Variants in ANO7 observed in about 807,000 individuals in gnomAD.
The protein encoded by ANO7 is anoctamin 7.
A neutral mutation model predicts 115.8 loss-of-function variants in ANO7; 114 were observed. The observed-to-expected ratio is 0.98, with a 90% CI of 0.85 to 1.15. The LOEUF is 1.15. ANO7 is among the 50% of genes most tolerant of loss of function. The probability of loss-of-function intolerance (pLI) is 0.00; values close to 1 mark genes in which losing one functional copy is unlikely to be tolerated. For synonymous variants in ANO7, 550 were observed against 498.2 expected (o/e 1.10, Z -1.38); for missense variants, 1,302 against 1,201.2 (o/e 1.08, Z -1.24).
rs549584577 is a variant in ANO7, at chr2:241,189,370, G to A, written c.-8+604G>A. 5.3e-5 allele frequency among the ~76,000 whole-genome samples: 8 copies of A among 152,298 alleles called. No homozygotes were observed. The East Asian group carries it at 7.7e-4, about 15-fold the overall frequency. On this transcript the variant is annotated intron_variant, in intron 1 of 24. Coordinates refer to ENST00000674324, the MANE Select transcript of ANO7 (RefSeq NM_001370694.2). Reference sequence around the variant, plus strand: ...TCCATGGTCACACCCTCCGGTCATCGTCGCAGCTCCAAATGCCAGCCCCAG... The same window carrying A: ...TCCATGGTCACACCCTCCGGTCATCATCGCAGCTCCAAATGCCAGCCCCAG...
chr2:241,223,050 C>T (rs1040593505), intron 21 of ANO7, 136 bp from the exon 22 acceptor site: 6 of 772,930 alleles, frequency 7.8e-6, no homozygotes, highest in African/African-American at 3.5e-5. Context: ...CAGGCACCCT[C>T]GATGAAGAGC....
At chr2:241,204,779 AG>A (rs35488559) in intron 9 of ANO7, 85 bp from the exon 10 acceptor site, 1 of 1,000,066 alleles carries the variant, frequency 1.0e-6, no homozygotes, top group South Asian at 1.4e-5. Flanking sequence ...GGTGGTCCCT[AG>A]GGGACAAGCA....
rs761832893 is a variant in ANO7, at chr2:241,203,489, G to T, written c.880G>T (p.Ala294Ser). 3 of 1,517,862 alleles carry T rather than the reference G, an allele frequency of 2.0e-6. No homozygotes were observed. The highest frequency in any genetic ancestry group is 2.6e-6 in the Non-Finnish European group (3 of 1,132,322). The allele number at this position is 1,517,862 out of a possible 1,614,324, so 94.0% of individuals were successfully genotyped here. A position where few individuals can be genotyped will look rare whatever the true frequency, so the allele number is the denominator to read the frequency against. ...CGGGGAGAAGGTGGCCCTCTACTTC[G>T]CCTGGCTCGGTGAGTCCCCCCCGCT... ...YFGEKVALYF[A>S]WLGFYTGWLL... is the part of the protein sequence containing the mutation. The change falls in exon 9 of 25, where the codon GCC becomes TCC. Residue 294 changes from alanine to serine, a missense_variant. By Grantham distance (99) the Ala-to-Ser change is moderately conservative. Coordinates refer to ENST00000674324, the MANE Select transcript of ANO7 (RefSeq NM_001370694.2). This position sits in a 1 kb window ranked among gnomAD's most constrained non-coding sequence, Gnocchi z 4.8.
intron 4 of ANO7, 24 bp downstream of exon 4, chr2:241,195,869 G>A (rs1291500712): frequency 1.2e-6 from 2 of 1,614,162 alleles, no homozygotes; most frequent in Non-Finnish European, 1.7e-6. Flanking sequence ...GTCATGGGCA[G>A]GGCCCTAGGC....
chr2:241,218,209 C>CGCGCAGGGGCGGAGCGGGGGG, intron 20 of ANO7, 30 bp from the exon 21 acceptor site: 1 of 1,348,490 alleles, frequency 7.4e-7, no homozygotes, highest in African/African-American at 1.6e-5. Flanking sequence ...GGAGCGGGGG[C>CGCGCAGGGGCGGAGCGGGGGG]CGCCTCGCGC....
the ANO7 span, chr2:241,239,540 C>A: frequency 2.2e-6 from 3 of 1,385,394 alleles, no homozygotes; most frequent in East Asian, 4.6e-5. The surrounding 1 kb of genome is among the most constrained non-coding windows in gnomAD (Gnocchi z 4.6). Context: ...AACACTCATA[C>A]ACGGCTTCGG....
At chr2:241,209,988 T>A (rs1056083842) in intron 13 of ANO7, among the ~76,000 whole-genome samples, 19 of 152,148 alleles carry the variant, frequency 1.2e-4, no homozygotes, top group Non-Finnish European at 2.9e-5. Flanking sequence ...GACCTCTCAC[T>A]CCCCTGCCAA....
rs1278807453 is a variant in ANO7 at position 241,217,771 on chromosome 2, C to T, written c.2058C>T (p.Ile686=). The change falls in exon 20 of 25, where the codon ATC becomes ATT. Residue 686 remains isoleucine, a synonymous_variant. Transcript: ENST00000674324. ...CCCTGCTCAACAACTGGGTGGAGATCCGCTTGGACGCGCGCAAGTTCGTCT... is the reference window on the plus strand; with the variant it reads ...CCCTGCTCAACAACTGGGTGGAGATTCGCTTGGACGCGCGCAAGTTCGTCT... ...LFALLNNWVE[I]RLDARKFVCE... The T allele has an allele frequency of 6.2e-7, 1 of 1,609,266 alleles. No homozygotes were observed. Among genetic ancestry groups the T allele is most frequent in the African/African-American group, 1.3e-5 (1 of 74,880 alleles).
chr2:241,189,953 G>A (rs373077663), intron 1 of ANO7, 104 bp from the exon 2 acceptor site: 49 of 841,444 alleles, frequency 5.8e-5, no homozygotes, highest in Non-Finnish European at 8.2e-5. Context: ...ACTCCGAGTC[G>A]AGTCTGTAAA....
At chr2:241,231,606 G>A in the ANO7 span, among the ~76,000 whole-genome samples, 2 of 152,138 alleles carry the variant, frequency 1.3e-5, no homozygotes, top group South Asian at 2.1e-4. Flanking sequence ...CTTTGCCCAC[G>A]TGGGCCACAG....
At chr2:241,234,055 G>GC in the ANO7 span, 1 of 1,433,600 alleles carries the variant, frequency 7.0e-7, no homozygotes, top group Non-Finnish European at 9.7e-7. Flanking sequence ...GGACACTGGA[G>GC]ATGCTGCAGT....
chr2:241,238,696 C>T, the ANO7 span: 15 of 1,588,586 alleles, frequency 9.4e-6, no homozygotes, highest in East Asian at 2.3e-5. The surrounding 1 kb of genome is among the most constrained non-coding windows in gnomAD (Gnocchi z 4.9). Context: ...ACTGAAATCC[C>T]GAGTAATCTG....
chr2:241,218,511 GGGGGAGCT>G, intron 21 of ANO7, 130 bp downstream of exon 21: 20 of 646,474 alleles, frequency 3.1e-5, no homozygotes, highest in South Asian at 5.9e-5. Context: ...CCGGGGGAGG[GGGGGAGCT>G]GGGGGCGCCG....
chr2:241,193,041 G>T (rs1273751432), intron 3 of ANO7, among the ~76,000 whole-genome samples: 1 of 152,092 alleles, frequency 6.6e-6, no homozygotes, highest in East Asian at 1.9e-4. Context: ...GGTTAAGATG[G>T]TTTTTTGTTT....
At chr2:241,229,851 G>A (rs371482774), downstream of ANO7, 40 of 1,579,530 alleles carry the variant, frequency 2.5e-5, no homozygotes, top group Non-Finnish European at 2.7e-5. Context: ...TGCTGCTGGC[G>A]GTCCAGGGTG....
the ANO7 span, among the ~76,000 whole-genome samples, chr2:241,231,524 T>C: frequency 1.3e-5 from 2 of 151,736 alleles, no homozygotes; most frequent in Admixed American, 6.6e-5. Flanking sequence ...GGAGAGACAC[T>C]AACAGGCAAG....
At position 241,210,475 on chromosome 2, in the gene ANO7, G is replaced by A. The variant is rs570289436; in HGVS notation, c.1466G>A (p.Arg489His). Residue 489 changes from arginine (R) to histidine (H), a missense_variant, in exon 15 of 25, where the codon CGC becomes CAC. Arg to His is a conservative substitution (Grantham distance 29, BLOSUM62 0). Transcript: ENST00000674324. Reference protein sequence around the residue: ...GNTLLAAWASRIASLTGSVVN... With the variant: ...GNTLLAAWASHIASLTGSVVN... The stretch of plus-strand genomic sequence containing the variant: ...CGGCCTGTCTCCCGTTAGGCCTCTC[G>A]CATCGCCAGCCTCACGGGGTCTGTA... The A allele has an allele frequency of 8.6e-5, 138 of 1,613,980 alleles. No homozygotes were observed. The highest frequency in any genetic ancestry group is 1.0e-4 in the Non-Finnish European group (119 of 1,179,984).
intron 21 of ANO7, among the ~76,000 whole-genome samples, chr2:241,221,931 C>T (rs2069029609): frequency 6.6e-6 from 1 of 152,160 alleles, no homozygotes; most frequent in South Asian, 2.1e-4. Context: ...CCACCTGTCT[C>T]AGCCTTCTAA....
At chr2:241,199,246 A>G (rs1347178936) in intron 4 of ANO7, 70 bp from the exon 5 acceptor site, 3 of 1,336,980 alleles carry the variant, frequency 2.2e-6, no homozygotes, top group Non-Finnish European at 3.2e-6. Context: ...AAGAGTGCGA[A>G]TGGACACACA....
Sources: gnomAD v4.1 joint callset for allele counts (sites outside exome capture counted in the v4.1 genomes callset) on GRCh38, gnomAD v4.1.1 for gene constraint, Gnocchi (gnomAD v3.1) non-coding constraint, MANE v1.5 for transcripts, NCBI Gene and HGNC (gene_info 2026-07-23, HGNC 2026-07-21) for gene names.